Variants in MACROD2 observed in about 807,000 individuals in gnomAD.
The protein encoded by MACROD2 is ADP-ribose glycohydrolase MACROD2.
MACROD2 carries 36 observed loss-of-function variants against 70.4 expected under a neutral mutation model. The ratio of observed to expected loss-of-function variants is 0.51; its 90% confidence interval spans 0.39 to 0.68. MACROD2 has a LOEUF of 0.68. MACROD2 is among the 30% of genes least tolerant of loss of function. MACROD2 has a pLI of 0.00. For missense variants in MACROD2, 496 were observed against 538.4 expected (o/e 0.92, Z 0.78); for synonymous variants, 172 against 178.8 (o/e 0.96, Z 0.30).
rs2066312071 is a variant in MACROD2, at chr20:15,976,735, A to T, written c.985+9105A>T. On this transcript the variant is annotated intron_variant, in intron 13 of 17. Coordinates refer to ENST00000684519, the MANE Select transcript of MACROD2 (RefSeq NM_001351661.2). ...CCCCCATTTTTAATTAACTTTATTT[A>T]AGAAAAATGAGAAAAAAAATTCTAT... is the stretch of plus-strand genomic sequence containing the variant. Among the ~76,000 whole-genome samples the T allele has an allele frequency of 3.3e-5, 5 of 150,268 alleles. No homozygotes were observed. The South Asian group carries it at 1.1e-3, about 32-fold the overall frequency.
At chr20:14,207,211 C>A (rs542002485) in intron 3 of MACROD2, among the ~76,000 whole-genome samples, 11 of 152,162 alleles carry the variant, frequency 7.2e-5, no homozygotes, top group African/African-American at 2.6e-4. Context: ...GATTCTCCTG[C>A]CTTAGCCTCC....
chr20:14,037,189 C>T (rs1370586183), intron 2 of MACROD2, among the ~76,000 whole-genome samples: 1 of 152,120 alleles, frequency 6.6e-6, no homozygotes, highest in Non-Finnish European at 1.5e-5. Context: ...TGTATTGTTA[C>T]ACACTCTTCC....
At chr20:15,354,645 T>TA (rs2078266183) in intron 6 of MACROD2, among the ~76,000 whole-genome samples, 1 of 150,352 alleles carries the variant, frequency 6.7e-6, no homozygotes, top group Non-Finnish European at 1.5e-5. Flanking sequence ...ATGTAAATTT[T>TA]AAAAAAGAAA....
chr20:14,261,513 T>C (rs2082100597), intron 3 of MACROD2, among the ~76,000 whole-genome samples: 1 of 152,090 alleles, frequency 6.6e-6, no homozygotes, highest in African/African-American at 2.4e-5. Flanking sequence ...AGTTTCATTA[T>C]CACTACATCT....
At chr20:14,905,689 A>G (rs1418627579) in intron 5 of MACROD2, 5 of 152,028 alleles carry the variant, frequency 3.3e-5, no homozygotes, top group South Asian at 4.2e-4. Context: ...AACCTCTCCA[A>G]TGCTATTTAC....
At chr20:14,981,624 T>C (rs2074801940) in intron 5 of MACROD2, among the ~76,000 whole-genome samples, 1 of 152,028 alleles carries the variant, frequency 6.6e-6, no homozygotes, top group African/African-American at 2.4e-5. Flanking sequence ...TGAATAAGTC[T>C]TGCGAGATCT....
In MACROD2 at chr20:15,769,995, C is replaced by T. The variant is rs112792803; in HGVS notation, c.646-92750C>T. ...ATGCATGTGTGTGAGTGCGCCCCCC[C>T]ACACATAATGATGTGTTTTAGTTTT... is the stretch of plus-strand genomic sequence containing the variant. On this transcript the variant is annotated intron_variant, in intron 8 of 17. Coordinates refer to ENST00000684519, the MANE Select transcript of MACROD2 (RefSeq NM_001351661.2). Among the ~76,000 whole-genome samples the T allele has an allele frequency of 4.6e-5, 7 of 151,946 alleles. 1 individual carries two copies. The highest frequency in any genetic ancestry group is 1.7e-4 in the African/African-American group (7 of 41,430).
intron 8 of MACROD2, among the ~76,000 whole-genome samples, chr20:15,515,340 C>A (rs1304010387): frequency 6.6e-6 from 1 of 152,178 alleles, no homozygotes; most frequent in Non-Finnish European, 1.5e-5. Flanking sequence ...GAGAGCAGGA[C>A]CCTAATAGTG....
At chr20:15,112,788 C>T (rs138626685) in intron 5 of MACROD2, among the ~76,000 whole-genome samples, 58 of 152,292 alleles carry the variant, frequency 3.8e-4, no homozygotes, top group Non-Finnish European at 6.5e-4. Flanking sequence ...AGCAGTAACT[C>T]TTCCTTAATC....
intron 10 of MACROD2, among the ~76,000 whole-genome samples, chr20:15,904,180 A>T (rs1050828364): frequency 6.6e-6 from 1 of 151,938 alleles, no homozygotes; most frequent in African/African-American, 2.4e-5. Context: ...TACATTTTTA[A>T]TTTGTGTTTG....
chr20:15,068,324 T>TA (rs1161772109), intron 5 of MACROD2, among the ~76,000 whole-genome samples: 1 of 152,216 alleles, frequency 6.6e-6, no homozygotes, highest in African/African-American at 2.4e-5. Flanking sequence ...GTATATAGTT[T>TA]AAAAAATATT....
At chr20:14,702,253 T>G (rs896185051) in intron 5 of MACROD2, among the ~76,000 whole-genome samples, 1 of 152,016 alleles carries the variant, frequency 6.6e-6, no homozygotes, top group Non-Finnish European at 1.5e-5. Context: ...TATTAACATT[T>G]TGCCTCTTTA....
intron 3 of MACROD2, among the ~76,000 whole-genome samples, chr20:14,267,708 A>C (rs2082155299): frequency 1.3e-5 from 2 of 152,136 alleles, no homozygotes; most frequent in Admixed American, 6.5e-5. Flanking sequence ...TAAGAAATGA[A>C]CTAGTTAACA....
intron 8 of MACROD2, among the ~76,000 whole-genome samples, chr20:15,684,804 T>C (rs535473080): frequency 1.0e-3 from 155 of 152,164 alleles, no homozygotes; most frequent in Admixed American, 5.6e-3. Context: ...ATTTTTAAAA[T>C]TTCTTGGCTT....
At chr20:14,942,346 CCTT>C (rs764234231) in intron 5 of MACROD2, among the ~76,000 whole-genome samples, 13 of 151,574 alleles carry the variant, frequency 8.6e-5, no homozygotes, top group South Asian at 2.1e-4. Context: ...TTCTCCTCCT[CCTT>C]CTTTTCTTCC....
At chr20:15,315,755 G>A (rs2077802661) in intron 6 of MACROD2, among the ~76,000 whole-genome samples, 1 of 152,098 alleles carries the variant, frequency 6.6e-6, no homozygotes, top group Non-Finnish European at 1.5e-5. Flanking sequence ...ATGAACTCTG[G>A]TGAAGGTAAA....
intron 3 of MACROD2, among the ~76,000 whole-genome samples, chr20:14,390,684 G>A (rs1040426698): frequency 9.9e-5 from 15 of 152,118 alleles, no homozygotes; most frequent in Non-Finnish European, 4.4e-5. Flanking sequence ...TAACTGACTA[G>A]CCATATACAG....
At chr20:15,812,327 A>T (rs2063829799) in intron 8 of MACROD2, among the ~76,000 whole-genome samples, 1 of 152,216 alleles carries the variant, frequency 6.6e-6, no homozygotes, top group African/African-American at 2.4e-5. Context: ...ATTCTGAGAT[A>T]TCACACAAAG....
At chr20:14,654,882 A>G (rs1052139032) in intron 4 of MACROD2, among the ~76,000 whole-genome samples, 9 of 152,194 alleles carry the variant, frequency 5.9e-5, no homozygotes, top group Non-Finnish European at 8.8e-5. Flanking sequence ...TTGGAGGTCA[A>G]GTGTCTCAGA....
Sources: gnomAD v4.1 joint callset for allele counts (sites outside exome capture counted in the v4.1 genomes callset) on GRCh38, gnomAD v4.1.1 for gene constraint, MANE v1.5 for transcripts, NCBI Gene and HGNC (gene_info 2026-07-23, HGNC 2026-07-21) for gene names.